The following SOCS6 variants were observed in gnomAD, a reference collection of about 807,000 sequenced individuals.
SOCS6 encodes STAT induced STAT inhibitor-4.
In SOCS6, 5 loss-of-function variants were observed where a neutral mutation model predicts 27.7. The ratio of observed to expected loss-of-function variants is 0.18; its 90% confidence interval spans 0.09 to 0.38. SOCS6 has a LOEUF of 0.38. Among genes scored for constraint, SOCS6 ranks in the 10% least tolerant of loss-of-function variants. The pLI, the probability that SOCS6 is intolerant of heterozygous loss-of-function variation, is 1.00. For synonymous variants in SOCS6, 271 were observed against 260.0 expected, an observed-to-expected ratio of 1.04 and a Z score of -0.41; for missense variants, 595 against 688.1, an observed-to-expected ratio of 0.86 and a Z score of 1.51.
chr18:70,321,790 T>C (rs8097573), intron 1 of SOCS6, among the ~76,000 whole-genome samples: 10,684 of 152,142 alleles, frequency 0.07, 1,209 homozygotes, highest in African/African-American at 0.24. Context: ...GTAGGACAGG[T>C]TGGCATAGGG....
In SOCS6 at chr18:70,313,703, CTTGACTTTCTATTCT is replaced by C. The variant is rs1195549113; in HGVS notation, c.-126-10839_-126-10825del. Among the ~76,000 whole-genome samples, 6 of 152,244 alleles carry C rather than the reference CTTGACTTTCTATTCT, an allele frequency of 3.9e-5. No individual in the cohort carries two copies. In the South Asian group the frequency reaches 6.2e-4, roughly 16 times the overall value. On this transcript the variant is annotated intron_variant, in intron 1 of 1. Coordinates refer to ENST00000397942, the MANE Select transcript of SOCS6 (RefSeq NM_004232.4). Reference sequence around the variant, plus strand: ...TTCCCATATGTCTCTTGGTCTATTTCTTGACTTTCTATTCTGTCATTTCCCTCCTCTAGCGTTAAG... The same window carrying C: ...TTCCCATATGTCTCTTGGTCTATTTCGTCATTTCCCTCCTCTAGCGTTAAG...
Position 70,324,847 on chromosome 18 carries a change from A to G in SOCS6, c.179A>G (p.Asp60Gly), listed in dbSNP as rs1322835301. 1 of 1,614,196 alleles carries G rather than the reference A, an allele frequency of 6.2e-7. No homozygotes were observed. Among genetic ancestry groups the G allele is most frequent in the South Asian group, 1.1e-5 (1 of 91,080 alleles). ...DMASCDINGE[D>G]EKGGKNRSKS... The stretch of plus-strand genomic sequence containing the variant: ...GCCAGCTGCGATATCAACGGTGAAG[A>G]TGAAAAAGGCGGAAAAAACAGATCA... Residue 60 changes from aspartate (D) to glycine (G), a missense_variant, in exon 2 of 2, where the codon GAT becomes GGT. By Grantham distance (94) the Asp-to-Gly change is moderately conservative (BLOSUM62 -1). Coordinates refer to ENST00000397942, the MANE Select transcript of SOCS6 (RefSeq NM_004232.4).
chr18:70,321,533 C>G (rs1388451270), intron 1 of SOCS6, among the ~76,000 whole-genome samples: 1 of 146,124 alleles, frequency 6.8e-6, no homozygotes, highest in Non-Finnish European at 1.5e-5. Context: ...GGGGTTTCAC[C>G]ACGTTGGCCA....
At chr18:70,319,888 T>C (rs192132478) in intron 1 of SOCS6, among the ~76,000 whole-genome samples, 22 of 152,304 alleles carry the variant, frequency 1.4e-4, no homozygotes, top group African/African-American at 5.1e-4. Flanking sequence ...CAGACACACA[T>C]GATTATTCCA....
chr18:70,325,045 C>G lies in SOCS6; in HGVS notation c.377C>G (p.Ser126Trp). Residue 126 changes from serine (S) to tryptophan (W), a missense_variant, in exon 2 of 2, where the codon TCG becomes TGG. Transcript: ENST00000397942. The surrounding 1 kb of genome is among the most constrained non-coding windows in gnomAD (Gnocchi z 6.3). ...VRAQRPIRST[S>W]LRSHHYSPAP... ...GCTCAGAGGCCGATAAGGTCCACGT[C>G]GCTCCGCAGCCATCACTACAGTCCC... is the stretch of plus-strand genomic sequence containing the variant. 2 of 1,614,174 alleles carry G rather than the reference C, an allele frequency of 1.2e-6. No individual in the cohort carries two copies. Among genetic ancestry groups the G allele is most frequent in the Non-Finnish European group, 1.7e-6 (2 of 1,180,042 alleles).
intron 1 of SOCS6, among the ~76,000 whole-genome samples, chr18:70,289,361 C>T (rs1319257671): frequency 6.7e-6 from 1 of 148,366 alleles, no homozygotes; most frequent in Non-Finnish European, 1.5e-5. Flanking sequence ...GACGCGGAAA[C>T]CGGGAAGCCG....
chr18:70,291,614 A>G (rs909128244), intron 1 of SOCS6, among the ~76,000 whole-genome samples: 22 of 152,158 alleles, frequency 1.4e-4, no homozygotes, highest in African/African-American at 5.3e-4. Context: ...AAAACGATAC[A>G]CATTTAGTAT....
intron 1 of SOCS6, among the ~76,000 whole-genome samples, chr18:70,323,745 C>G (rs1258061543): frequency 6.6e-6 from 1 of 152,288 alleles, no homozygotes; most frequent in Admixed American, 6.5e-5. Context: ...TATTTTGACA[C>G]AAGCTTAAGT....
intron 1 of SOCS6, among the ~76,000 whole-genome samples, chr18:70,290,289 G>C (rs910138065): frequency 2.0e-5 from 3 of 152,176 alleles, no homozygotes; most frequent in African/African-American, 7.2e-5. Flanking sequence ...TAAAATATCT[G>C]ACATCTTCTC....
At chr18:70,304,249 G>A (rs2062360089) in intron 1 of SOCS6, among the ~76,000 whole-genome samples, 1 of 150,038 alleles carries the variant, frequency 6.7e-6, no homozygotes, top group Admixed American at 6.7e-5. Flanking sequence ...AAAAAGAAAA[G>A]ACACAGGATG....
At chr18:70,315,095 A>T (rs1181637655) in intron 1 of SOCS6, among the ~76,000 whole-genome samples, 1 of 152,012 alleles carries the variant, frequency 6.6e-6, no homozygotes, top group Non-Finnish European at 1.5e-5. Flanking sequence ...TACCACTCCC[A>T]ATGTTTGCTG....
chr18:70,313,096 A>C (rs41474653), intron 1 of SOCS6, among the ~76,000 whole-genome samples: 2 of 152,148 alleles, frequency 1.3e-5, no homozygotes, highest in Non-Finnish European at 2.9e-5. Flanking sequence ...TTTTTTAATG[A>C]TGAATGAATT....
intron 1 of SOCS6, among the ~76,000 whole-genome samples, chr18:70,311,831 A>G (rs534085836): frequency 6.6e-6 from 1 of 151,252 alleles, no homozygotes; most frequent in Admixed American, 6.6e-5. Context: ...TAGTCTGATG[A>G]TTTTTTTTTA....
At chr18:70,295,329 CACTT>C (rs1403038804) in intron 1 of SOCS6, among the ~76,000 whole-genome samples, 1 of 152,174 alleles carries the variant, frequency 6.6e-6, no homozygotes, top group Non-Finnish European at 1.5e-5. Flanking sequence ...TTTATGGTGG[CACTT>C]ACAGTGATTT....
At chr18:70,289,424 G>A (rs1387950933) in intron 1 of SOCS6, among the ~76,000 whole-genome samples, 2 of 147,424 alleles carry the variant, frequency 1.4e-5, no homozygotes, top group Non-Finnish European at 3.0e-5. Context: ...GCCGCGGACG[G>A]CTCTTCTCGA....
rs1039318960 is a variant in SOCS6 at position 70,329,607 on chromosome 18, G to A, written c.*3331G>A. 2.4e-5 allele frequency: 4 copies of A among 166,956 alleles called. No individual in the cohort carries two copies. Among genetic ancestry groups the A allele is most frequent in the African/African-American group, 4.8e-5 (2 of 41,422 alleles). The allele number at this position is 166,956 out of a possible 1,614,324, so 10.3% of individuals were successfully genotyped here. On this transcript the variant is annotated 3_prime_UTR_variant, in exon 2 of 2. Coordinates refer to ENST00000397942, the MANE Select transcript of SOCS6 (RefSeq NM_004232.4). ...ATCTTAATTGCTTTTCATTAAATGC[G>A]AAGTCTTAATTTCAAAATGAAATCA...
intron 1 of SOCS6, among the ~76,000 whole-genome samples, chr18:70,295,866 T>C (rs1285275721): frequency 6.6e-6 from 1 of 152,234 alleles, no homozygotes; most frequent in Non-Finnish European, 1.5e-5. Flanking sequence ...GAGTGGACTC[T>C]GGTGTATGCA....
At chr18:70,307,176 T>G (rs2062372961) in intron 1 of SOCS6, among the ~76,000 whole-genome samples, 1 of 152,112 alleles carries the variant, frequency 6.6e-6, no homozygotes, top group African/African-American at 2.4e-5. Flanking sequence ...GATGGGAGGA[T>G]CACTTGAGCC....
At chr18:70,308,216 T>A (rs2062376992) in intron 1 of SOCS6, among the ~76,000 whole-genome samples, 1 of 152,126 alleles carries the variant, frequency 6.6e-6, no homozygotes, top group Admixed American at 6.6e-5. Context: ...TCAGTCTTTT[T>A]AAATTTATTG....
Sources: allele counts gnomAD v4.1 joint callset (sites outside exome capture counted in the v4.1 genomes callset), GRCh38; gene constraint gnomAD v4.1.1; non-coding constraint Gnocchi (gnomAD v3.1); transcripts MANE v1.5; gene names NCBI Gene and HGNC (gene_info 2026-07-23, HGNC 2026-07-21).